Variants in COL26A1 observed in about 807,000 individuals in gnomAD.
COL26A1 encodes the protein collagen alpha-1(XXVI) chain.
Under a neutral mutation model 59.3 loss-of-function variants are expected in COL26A1, and 41 were observed. The ratio of observed to expected loss-of-function variants is 0.69; its 90% CI spans 0.54 to 0.90. COL26A1 has a LOEUF of 0.90. COL26A1 is among the 40% of genes least tolerant of loss of function. The pLI is 0.00. For synonymous variants in COL26A1, 266 were observed against 256.0 expected (o/e 1.04, Z -0.37); for missense variants, 612 against 602.3 (o/e 1.02, Z -0.17).
chr7:101,473,370 C>A (rs1793952148), intron 3 of COL26A1, among the ~76,000 whole-genome samples: 2 of 152,072 alleles, frequency 1.3e-5, no homozygotes, highest in Admixed American at 1.3e-4. Context: ...GCCACTGCGC[C>A]CGGCCTGGGT....
At chr7:101,492,200 A>G (rs1794475856) in intron 3 of COL26A1, among the ~76,000 whole-genome samples, 2 of 152,078 alleles carry the variant, frequency 1.3e-5, no homozygotes, top group African/African-American at 4.8e-5. Context: ...CAGACAGTAG[A>G]ATCTTGACGG....
At chr7:101,384,640 T>G (rs1353031055) in intron 1 of COL26A1, among the ~76,000 whole-genome samples, 1 of 152,164 alleles carries the variant, frequency 6.6e-6, no homozygotes, top group African/African-American at 2.4e-5. Context: ...TCTTATAGTC[T>G]TCCAATGTGT....
At chr7:101,451,998 C>A (rs563429212) in intron 3 of COL26A1, among the ~76,000 whole-genome samples, 5 of 152,118 alleles carry the variant, frequency 3.3e-5, no homozygotes, top group Non-Finnish European at 5.9e-5. Flanking sequence ...TGAGCCACCG[C>A]GCACAGCCAA....
chr7:101,451,736 G>A (rs187207564), intron 3 of COL26A1, among the ~76,000 whole-genome samples: 2 of 140,884 alleles, frequency 1.4e-5, no homozygotes, highest in Non-Finnish European at 3.0e-5. Flanking sequence ...ACGGAGTCTC[G>A]CTCTGTTGCC....
At chr7:101,473,050 G>A (rs1793942491) in intron 3 of COL26A1, among the ~76,000 whole-genome samples, 1 of 151,320 alleles carries the variant, frequency 6.6e-6, no homozygotes, top group Admixed American at 6.6e-5. Flanking sequence ...TTCCCAACTG[G>A]TTTATGAGCT....
chr7:101,538,337 G>A (rs1795527045), intron 4 of COL26A1, among the ~76,000 whole-genome samples: 1 of 152,330 alleles, frequency 6.6e-6, no homozygotes, highest in African/African-American at 2.4e-5. Context: ...GTGCCTCCAC[G>A]AAGCTCAGCC....
chr7:101,540,253 T>C (rs779585263), intron 5 of COL26A1, among the ~76,000 whole-genome samples: 46 of 152,316 alleles, frequency 3.0e-4, no homozygotes, highest in South Asian at 1.4e-3. Flanking sequence ...AAGTAGACGA[T>C]CTGGTCAGGT....
intron 3 of COL26A1, among the ~76,000 whole-genome samples, chr7:101,480,535 C>G (rs1794133300): frequency 6.6e-6 from 1 of 152,124 alleles, no homozygotes; most frequent in Admixed American, 6.6e-5. Flanking sequence ...GGGTGTCACT[C>G]TATTGCCTAG....
chr7:101,404,945 C>T (rs1288970454), intron 1 of COL26A1, among the ~76,000 whole-genome samples: 4 of 151,830 alleles, frequency 2.6e-5, no homozygotes, highest in Admixed American at 1.3e-4. Context: ...CTTTATGGGC[C>T]GGGCATGGTG....
chr7:101,469,533 G>A (rs1243585570), intron 3 of COL26A1, among the ~76,000 whole-genome samples: 1 of 146,802 alleles, frequency 6.8e-6, no homozygotes, highest in East Asian at 2.0e-4. Flanking sequence ...TGCTCTTTTC[G>A]CCCTGGTGTG....
chr7:101,368,926 A>AACC (rs71129616), intron 1 of COL26A1, among the ~76,000 whole-genome samples: 2 of 150,900 alleles, frequency 1.3e-5, no homozygotes, highest in Admixed American at 6.6e-5. Flanking sequence ...CCAAAAAAAA[A>AACC]AATTCTTTTT....
intron 3 of COL26A1, among the ~76,000 whole-genome samples, chr7:101,448,892 T>C (rs754074886): frequency 1.1e-4 from 16 of 152,240 alleles, no homozygotes; most frequent in Admixed American, 8.5e-4. Context: ...ACTGATTTGA[T>C]AGCAGGATCT....
rs1452059213 is a variant in COL26A1 at position 101,520,633 on chromosome 7, T to TATACACACACACAC, written c.386-12448_386-12447insTACACACACACACA. Among the ~76,000 whole-genome samples, 777 of 137,272 alleles carry TATACACACACACAC rather than the reference T, an allele frequency of 5.7e-3. 4 individuals carry two copies. The highest frequency in any genetic ancestry group is 0.043 in the Middle Eastern group (12 of 278). The allele number at this position is 137,272 out of a possible 152,430, so 90.1% of individuals were successfully genotyped here. On this transcript the variant is annotated intron_variant, in intron 3 of 12. Transcript: ENST00000313669. ...AGGTTGACAGACAAGCACAGACACA[T>TATACACACACACAC]ACACACACACACACACACACACACA...
intron 1 of COL26A1, among the ~76,000 whole-genome samples, chr7:101,393,326 A>C (rs976522826): frequency 1.1e-4 from 16 of 152,326 alleles, no homozygotes; most frequent in African/African-American, 3.8e-4. Flanking sequence ...CAAGCTGAGG[A>C]GCAAGGAAGC....
chr7:101,420,525 C>G (rs1792487947), intron 2 of COL26A1, among the ~76,000 whole-genome samples: 1 of 152,122 alleles, frequency 6.6e-6, no homozygotes, highest in Non-Finnish European at 1.5e-5. Flanking sequence ...GCAGCACTGC[C>G]CCACTCACCA....
intron 3 of COL26A1, among the ~76,000 whole-genome samples, chr7:101,508,103 C>A (rs1794849817): frequency 6.6e-6 from 1 of 152,194 alleles, no homozygotes; most frequent in Non-Finnish European, 1.5e-5. Flanking sequence ...CTCCTTGTGC[C>A]TGCTCACATC....
chr7:101,522,558 G>C (rs1198421878), intron 3 of COL26A1, among the ~76,000 whole-genome samples: 1 of 152,162 alleles, frequency 6.6e-6, no homozygotes, highest in Non-Finnish European at 1.5e-5. Context: ...AAAAAGCAGA[G>C]AGGGGCTTCC....
rs35208249 is a variant in COL26A1 at position 101,458,804 on chromosome 7, C to CTTTTT, written c.385+11027_385+11031dup. Among the ~76,000 whole-genome samples, 115 of 140,420 alleles carry CTTTTT rather than the reference C, an allele frequency of 8.2e-4. 1 individual carries two copies. The highest frequency in any genetic ancestry group is 7.1e-3 in the Middle Eastern group (2 of 282). The allele number at this position is 140,420 out of a possible 152,430, so 92.1% of individuals were successfully genotyped here. A position where few individuals can be genotyped will look rare whatever the true frequency, so the allele number is the denominator to read the frequency against. On this transcript the variant is annotated intron_variant, in intron 3 of 12. Transcript: ENST00000313669. ...GCCAGTGTAGAACTGAAACCTGGGT[C>CTTTTT]TTTTTTTTTTTTTTGGAGACATGGT...
chr7:101,517,053 C>T (rs982242397), intron 3 of COL26A1, among the ~76,000 whole-genome samples: 4 of 152,036 alleles, frequency 2.6e-5, no homozygotes, highest in Admixed American at 6.6e-5. Context: ...AAGGTGTGAT[C>T]CTGAGTCTGA....
Sources: gnomAD v4.1 joint callset for allele counts (sites outside exome capture counted in the v4.1 genomes callset) on GRCh38, gnomAD v4.1.1 for gene constraint, MANE v1.5 for transcripts, NCBI Gene and HGNC (gene_info 2026-07-23, HGNC 2026-07-21) for gene names.